Variants in PRKG1 observed in about 807,000 individuals in gnomAD.
The protein encoded by PRKG1 is cGMP-dependent protein kinase 1.
PRKG1 carries 35 observed loss-of-function variants against 88.1 expected under a neutral mutation model. That is an observed-to-expected ratio of 0.40 (90% CI 0.30 to 0.53). The LOEUF (loss-of-function observed/expected upper bound fraction) is 0.53. Among genes scored for constraint, PRKG1 ranks in the 20% least tolerant of loss-of-function variants. The pLI, the probability that PRKG1 is intolerant of heterozygous loss-of-function variation, is 0.59. For synonymous variants in PRKG1, 303 were observed against 292.5 expected, an observed-to-expected ratio of 1.04 and a Z score of -0.37; for missense variants, 540 against 839.8, an observed-to-expected ratio of 0.64 and a Z score of 4.41.
chr10:51,176,651 C>T (rs560803517), intron 2 of PRKG1, among the ~76,000 whole-genome samples: 1 of 151,960 alleles, frequency 6.6e-6, no homozygotes, highest in Non-Finnish European at 1.5e-5. Flanking sequence ...GATTCAGTGT[C>T]AGGGGAAATT....
At chr10:51,135,720 A>G (rs1040864958) in intron 1 of PRKG1, among the ~76,000 whole-genome samples, 6 of 151,996 alleles carry the variant, frequency 3.9e-5, no homozygotes, top group Admixed American at 1.3e-4. Context: ...ATGTTATTTG[A>G]ATTTTTCAGT....
chr10:51,824,185 A>T (rs1839826431), intron 4 of PRKG1, among the ~76,000 whole-genome samples: 1 of 151,948 alleles, frequency 6.6e-6, no homozygotes, highest in Non-Finnish European at 1.5e-5. Flanking sequence ...ATTATCAAGG[A>T]TTTGTATATC....
chr10:51,861,121 T>C (rs926121269), intron 4 of PRKG1, among the ~76,000 whole-genome samples: 1 of 152,180 alleles, frequency 6.6e-6, no homozygotes, highest in African/African-American at 2.4e-5. Flanking sequence ...GCTTTGGTAC[T>C]CATTGAACAT....
chr10:51,034,115 C>T (rs1419971533), intron 1 of PRKG1, among the ~76,000 whole-genome samples: 1 of 152,132 alleles, frequency 6.6e-6, no homozygotes, highest in South Asian at 2.1e-4. Flanking sequence ...TTGGACATTA[C>T]AGTTATTAAT....
chr10:52,039,069 A>T (rs1365928888), intron 5 of PRKG1, among the ~76,000 whole-genome samples: 1 of 152,138 alleles, frequency 6.6e-6, no homozygotes, highest in Non-Finnish European at 1.5e-5. Flanking sequence ...CAGGGGATTG[A>T]TCTCCCAAGG....
At chr10:51,508,097 C>T (rs1010577253) in intron 3 of PRKG1, among the ~76,000 whole-genome samples, 1 of 152,068 alleles carries the variant, frequency 6.6e-6, no homozygotes, top group African/African-American at 2.4e-5. Flanking sequence ...TATGTTACCT[C>T]ATCTGTAAAA....
intron 3 of PRKG1, among the ~76,000 whole-genome samples, chr10:51,485,151 G>A (rs1326250): frequency 0.67 from 101,551 of 151,970 alleles, 34,212 homozygotes; most frequent in East Asian, 0.88. Context: ...GGTACCTTTT[G>A]GGCCATATTA....
intron 1 of PRKG1, chr10:51,148,365 T>A: frequency 3.1e-6 from 2 of 638,990 alleles, no homozygotes; most frequent in Non-Finnish European, 3.9e-6. Context: ...GTTAAAAATT[T>A]TTATTATAGA....
intron 2 of PRKG1, among the ~76,000 whole-genome samples, chr10:51,359,895 G>C (rs752614562): frequency 3.3e-5 from 5 of 151,930 alleles, no homozygotes; most frequent in African/African-American, 4.8e-5. Context: ...TTCTGGGCCA[G>C]AGAGCTAGCC....
chr10:51,168,027 G>T (rs1055434998), intron 2 of PRKG1, among the ~76,000 whole-genome samples: 2 of 152,102 alleles, frequency 1.3e-5, no homozygotes, highest in African/African-American at 4.8e-5. Context: ...AGATTTCATA[G>T]ATATGGATAT....
At chr10:51,831,224 A>G (rs918213657) in intron 4 of PRKG1, among the ~76,000 whole-genome samples, 1 of 152,162 alleles carries the variant, frequency 6.6e-6, no homozygotes, top group Non-Finnish European at 1.5e-5. Context: ...TTTAACCCTT[A>G]GCCCAAGGTA....
intron 3 of PRKG1, among the ~76,000 whole-genome samples, chr10:51,566,441 C>T (rs866891527): frequency 1.3e-5 from 2 of 152,012 alleles, no homozygotes; most frequent in South Asian, 4.1e-4. Context: ...ATGTTCCAGA[C>T]GCTGCTCTGA....
chr10:51,983,427 C>T (rs1302539869), intron 5 of PRKG1, among the ~76,000 whole-genome samples: 2 of 152,146 alleles, frequency 1.3e-5, no homozygotes, highest in Non-Finnish European at 1.5e-5. Context: ...TGTGAAAGAC[C>T]TATGATGTGG....
chr10:51,837,146 A>C (rs548419701), intron 4 of PRKG1, among the ~76,000 whole-genome samples: 1 of 152,304 alleles, frequency 6.6e-6, no homozygotes, highest in East Asian at 1.9e-4. Context: ...TTGATTTTTC[A>C]GTTAACGTGA....
intron 3 of PRKG1, among the ~76,000 whole-genome samples, chr10:51,752,413 A>G (rs1837750489): frequency 6.6e-6 from 1 of 152,180 alleles, no homozygotes; most frequent in Non-Finnish European, 1.5e-5. Context: ...CAGCTATTCT[A>G]CACATTTTGC....
chr10:52,008,956 G>A (rs980227182), intron 5 of PRKG1, among the ~76,000 whole-genome samples: 1 of 151,932 alleles, frequency 6.6e-6, no homozygotes, highest in Non-Finnish European at 1.5e-5. Context: ...ATGTAGAAAA[G>A]GCTTTCAATA....
intron 7 of PRKG1, among the ~76,000 whole-genome samples, chr10:52,130,488 C>A (rs756343832): frequency 6.6e-6 from 1 of 152,052 alleles, no homozygotes; most frequent in Non-Finnish European, 1.5e-5. Context: ...AAATGAAGCA[C>A]TATTTTGTAT....
chr10:51,024,222 G>GT lies in PRKG1; in HGVS notation c.266+32584dup, dbSNP rs559456257. ...GAATTAAGTACTTACAATAATTTCT[G>GT]TTTTTTCCATGAGTTCTTAACTATA... On this transcript the variant is annotated intron_variant, in intron 1 of 17. Transcript: ENST00000401604. Among the ~76,000 whole-genome samples, 48 of 152,206 alleles carry GT rather than the reference G, an allele frequency of 3.2e-4. 1 individual carries two copies. The South Asian group carries it at 5.6e-3, about 18-fold the overall frequency.
At chr10:51,636,569 G>C (rs1240922029) in intron 3 of PRKG1, among the ~76,000 whole-genome samples, 1 of 152,098 alleles carries the variant, frequency 6.6e-6, no homozygotes, top group African/African-American at 2.4e-5. Context: ...ATTAACTAGT[G>C]GTTCTAGGCC....
Sources: gnomAD v4.1 joint callset for allele counts (sites outside exome capture counted in the v4.1 genomes callset) on GRCh38, gnomAD v4.1.1 for gene constraint, MANE v1.5 for transcripts, NCBI Gene and HGNC (gene_info 2026-07-23, HGNC 2026-07-21) for gene names.